CSGALNACT1: variants seen among roughly 807,000 people sequenced by gnomAD.
CSGALNACT1 encodes beta4GalNAcT-1.
In CSGALNACT1, 52 loss-of-function variants were observed where a neutral mutation model predicts 51.0. The observed-to-expected ratio is 1.02, with a 90% CI of 0.82 to 1.29. The LOEUF (loss-of-function observed/expected upper bound fraction) is 1.29. Ranked by LOEUF, CSGALNACT1 falls within the 50% of genes most tolerant of loss-of-function variation. The pLI, the probability that CSGALNACT1 is intolerant of heterozygous loss-of-function variation, is 0.00. For synonymous variants in CSGALNACT1, 341 were observed against 254.4 expected (o/e 1.34, Z -3.24); for missense variants, 935 against 679.2 (o/e 1.38, Z -4.19).
At chr8:19,424,122 C>T (rs548833676) in intron 6 of CSGALNACT1, among the ~76,000 whole-genome samples, 1 of 152,292 alleles carries the variant, frequency 6.6e-6, no homozygotes, top group South Asian at 2.1e-4. Context: ...TAGAGCTGCT[C>T]TGAAGCCCTG....
Position 19,424,632 on chromosome 8 carries a change from T to C in CSGALNACT1, c.954-4114A>G, listed in dbSNP as rs187506178. On this transcript the variant is annotated intron_variant, in intron 6 of 9. Transcript: ENST00000454498. ...CAGGATATGACAAGATGAGGAGGAA[T>C]TGGCTTCTTCAAGTAGTCAGGCCAC... is the stretch of plus-strand genomic sequence containing the variant. 4.6e-5 allele frequency among the ~76,000 whole-genome samples: 7 copies of C among 152,300 alleles called. No homozygotes were observed. The East Asian group carries it at 9.6e-4, about 21-fold the overall frequency.
At chr8:19,669,047 A>T (rs896175138) in intron 1 of CSGALNACT1, among the ~76,000 whole-genome samples, 1 of 152,234 alleles carries the variant, frequency 6.6e-6, no homozygotes, top group Non-Finnish European at 1.5e-5. Flanking sequence ...TCTCAAACAA[A>T]TTCTGTGTAA....
intron 4 of CSGALNACT1, among the ~76,000 whole-genome samples, chr8:19,469,132 G>A (rs2067451889): frequency 6.6e-6 from 1 of 152,204 alleles, no homozygotes; most frequent in Non-Finnish European, 1.5e-5. Flanking sequence ...GCTCATACTT[G>A]TAATCCTAGC....
intron 5 of CSGALNACT1, among the ~76,000 whole-genome samples, chr8:19,445,812 G>A (rs1280379801): frequency 6.6e-6 from 1 of 152,126 alleles, no homozygotes; most frequent in Non-Finnish European, 1.5e-5. Flanking sequence ...CCACTGGAAA[G>A]GTGTGTGTGT....
intron 1 of CSGALNACT1, among the ~76,000 whole-genome samples, chr8:19,633,360 G>A (rs1564307662): frequency 6.6e-6 from 1 of 152,030 alleles, no homozygotes; most frequent in Non-Finnish European, 1.5e-5. Flanking sequence ...CAGACATAAA[G>A]CTTGCTACCA....
chr8:19,440,222 G>C (rs182501225), intron 5 of CSGALNACT1, among the ~76,000 whole-genome samples: 1 of 152,216 alleles, frequency 6.6e-6, no homozygotes, highest in Admixed American at 6.5e-5. Context: ...CCTAGACAGT[G>C]TCATGGAATT....
chr8:19,475,091 C>A (rs555156632), intron 4 of CSGALNACT1, among the ~76,000 whole-genome samples: 1 of 152,172 alleles, frequency 6.6e-6, no homozygotes, highest in East Asian at 1.9e-4. Flanking sequence ...GGCACCCAGA[C>A]AGGGGAGTCT....
intron 1 of CSGALNACT1, among the ~76,000 whole-genome samples, chr8:19,731,467 C>T (rs1336295915): frequency 1.3e-5 from 2 of 152,166 alleles, no homozygotes; most frequent in African/African-American, 4.8e-5. Context: ...GAGATTACAC[C>T]ACTGCATTCT....
chr8:19,648,305 A>T (rs920187950), intron 1 of CSGALNACT1, among the ~76,000 whole-genome samples: 34 of 152,204 alleles, frequency 2.2e-4, no homozygotes, highest in Admixed American at 1.9e-3. Flanking sequence ...CATTTTAAAC[A>T]TTAATGTTAG....
rs144994652 is a variant in CSGALNACT1, at chr8:19,553,267, C to G, written c.-297+37893G>C. Among the ~76,000 whole-genome samples the G allele has an allele frequency of 3.6e-3, 554 of 152,012 alleles. 3 individuals carry two copies. Among genetic ancestry groups the G allele is most frequent in the African/African-American group, 0.013 (533 of 41,434 alleles). On this transcript the variant is annotated intron_variant, in intron 3 of 9. Coordinates refer to ENST00000454498, the Ensembl canonical transcript of CSGALNACT1. ...TAACCCCAAAGATTGGTCCACTGAA[C>G]CACACTAAAATAAAATTGAAAAAAA...
intron 1 of CSGALNACT1, among the ~76,000 whole-genome samples, chr8:19,622,306 C>T (rs2053920775): frequency 6.6e-6 from 1 of 152,150 alleles, no homozygotes; most frequent in Admixed American, 6.6e-5. Context: ...TAATTCCAAG[C>T]ACTATCTTTA....
exon 10 of CSGALNACT1, chr8:19,404,428 T>G: frequency 2.2e-6 from 1 of 453,370 alleles, no homozygotes; most frequent in South Asian, 1.6e-5. Context: ...TTAACTGTAT[T>G]TATTTTTAAA....
chr8:19,480,358 C>T lies in CSGALNACT1; in HGVS notation c.635-21716G>A, dbSNP rs145377499. 1.5e-3 allele frequency among the ~76,000 whole-genome samples: 229 copies of T among 152,290 alleles called. 1 individual carries two copies. The highest frequency in any genetic ancestry group is 2.5e-3 in the Non-Finnish European group (171 of 68,038). The stretch of plus-strand genomic sequence containing the variant: ...TAGCTACCACTTATTGGTGAGAACA[C>T]GCAGTATTTGGTCTTCTGTTTTTGC... On this transcript the variant is annotated intron_variant, in intron 4 of 9. Transcript: ENST00000454498.
At chr8:19,540,334 T>C (rs1407926734) in intron 3 of CSGALNACT1, among the ~76,000 whole-genome samples, 1 of 152,208 alleles carries the variant, frequency 6.6e-6, no homozygotes, top group East Asian at 1.9e-4. Flanking sequence ...ACAGTATTTA[T>C]TCTTTAGTGT....
At chr8:19,490,065 A>T (rs1587079226) in intron 4 of CSGALNACT1, among the ~76,000 whole-genome samples, 1 of 152,154 alleles carries the variant, frequency 6.6e-6, no homozygotes, top group East Asian at 1.9e-4. Flanking sequence ...TGGCCCCCAA[A>T]TATTTCTAAC....
intron 1 of CSGALNACT1, among the ~76,000 whole-genome samples, chr8:19,616,563 C>T (rs776878630): frequency 7.2e-5 from 11 of 152,130 alleles, no homozygotes; most frequent in Non-Finnish European, 1.3e-4. Context: ...GGAGGTGGGG[C>T]CTCCTGGAAG....
Position 19,583,856 on chromosome 8 carries a change from C to T in CSGALNACT1, c.-297+7304G>A, listed in dbSNP as rs574170542. 1.4e-4 allele frequency among the ~76,000 whole-genome samples: 21 copies of T among 152,300 alleles called. No individual in the cohort carries two copies. In the South Asian group the frequency reaches 4.1e-3, roughly 30 times the overall value. ...AATTAGAATAATATTTCAAATGCTTCCCAAATCTGTTGCCCACATACTCAT... is the reference window on the plus strand; with the variant it reads ...AATTAGAATAATATTTCAAATGCTTTCCAAATCTGTTGCCCACATACTCAT... On this transcript the variant is annotated intron_variant, in intron 3 of 9. Coordinates refer to ENST00000454498, the Ensembl canonical transcript of CSGALNACT1.
intron 6 of CSGALNACT1, among the ~76,000 whole-genome samples, chr8:19,428,825 A>ATGTATG (rs1554526016): frequency 1.4e-5 from 2 of 143,340 alleles, no homozygotes; most frequent in African/African-American, 2.7e-5. Context: ...AAGACATGAT[A>ATGTATG]TGTGTGTGTG....
At chr8:19,420,201 G>T in intron 7 of CSGALNACT1, 139 bp downstream of exon 6, 2 of 786,134 alleles carry the variant, frequency 2.5e-6, no homozygotes, top group South Asian at 2.9e-5. Context: ...AATACAGATG[G>T]TTTTCCTTTT....
Sources: allele counts gnomAD v4.1 joint callset (sites outside exome capture counted in the v4.1 genomes callset), GRCh38; gene constraint gnomAD v4.1.1; transcripts MANE v1.5; gene names NCBI Gene and HGNC (gene_info 2026-07-23, HGNC 2026-07-21).